The following SCAMP4 variants were observed in gnomAD, a reference collection of about 807,000 sequenced individuals.
The protein encoded by SCAMP4 is secretory carrier membrane protein 4, also known as secretory carrier-associated membrane protein 4.
Under a neutral mutation model 32.1 loss-of-function variants are expected in SCAMP4, and 19 were observed. That is an observed-to-expected ratio of 0.59 (90% CI 0.41 to 0.87). The LOEUF is 0.87. Ranked by LOEUF, SCAMP4 falls within the 40% of genes least tolerant of loss-of-function variation. The probability of loss-of-function intolerance (pLI) is 0.00; values close to 1 mark genes in which losing one functional copy is unlikely to be tolerated. For synonymous variants in SCAMP4, 152 were observed against 132.7 expected, an observed-to-expected ratio of 1.15 and a Z score of -1.00; for missense variants, 302 against 309.0, an observed-to-expected ratio of 0.98 and a Z score of 0.17.
intron 1 of SCAMP4, among the ~76,000 whole-genome samples, chr19:1,907,745 A>AG (rs1599230040): frequency 6.6e-6 from 1 of 151,758 alleles, no homozygotes; most frequent in Admixed American, 6.6e-5. Context: ...TGCCCTCCTG[A>AG]GGGGTCCCAG....
chr19:1,917,919 C>T (rs535060737), intron 3 of SCAMP4, 97 bp downstream of exon 3: 9 of 1,518,406 alleles, frequency 5.9e-6, no homozygotes, highest in Admixed American at 3.5e-5. Context: ...GGGGGCCCAC[C>T]GTCTACTGAA....
chr19:1,911,329 G>A (rs903720730), intron 1 of SCAMP4, among the ~76,000 whole-genome samples: 4 of 152,008 alleles, frequency 2.6e-5, no homozygotes, highest in East Asian at 3.9e-4. Context: ...GTGCCACCAC[G>A]CCCAGCTAAT....
chr19:1,919,001 C>G lies in SCAMP4; in HGVS notation c.395+11C>G. ...CGGCTGGGGCGCGTGGTAAGCCTCT[C>G]TCTGATGGGCGTGGTGGCTGTGATG... On this transcript the variant is annotated intron_variant, in intron 5 of 6. Coordinates refer to ENST00000316097, the MANE Select transcript of SCAMP4 (RefSeq NM_079834.4). The G allele has an allele frequency of 6.3e-7, 1 of 1,595,770 alleles. No homozygotes were observed. The highest frequency in any genetic ancestry group is 8.5e-7 in the Non-Finnish European group (1 of 1,171,162).
At chr19:1,923,287 TC>T in intron 6 of SCAMP4, 100 bp downstream of exon 6, 2 of 1,014,470 alleles carry the variant, frequency 2.0e-6, no homozygotes, top group South Asian at 1.7e-5. Flanking sequence ...CCGGGCCCTC[TC>T]CCCACGGTGT....
At chr19:1,918,078 G>T (rs377060107) in intron 3 of SCAMP4, 49 bp from the exon 4 acceptor site, 5 of 1,572,934 alleles carry the variant, frequency 3.2e-6, no homozygotes, top group Non-Finnish European at 4.3e-6. Context: ...GCTTTCCCAC[G>T]GCCACACCCT....
chr19:1,918,761 C>CAAAAAA, intron 4 of SCAMP4, 128 bp from the exon 5 acceptor site: 1 of 1,133,016 alleles, frequency 8.8e-7, no homozygotes, highest in Non-Finnish European at 1.2e-6. Context: ...GACTCCATCT[C>CAAAAAA]AAAAAAAAAA....
intron 1 of SCAMP4, chr19:1,912,771 A>C (rs116296830): frequency 6.4e-7 from 1 of 1,565,266 alleles, no homozygotes; most frequent in Non-Finnish European, 8.6e-7. Flanking sequence ...GCACGCCGTC[A>C]TGGTGTGCGT....
intron 4 of SCAMP4, 122 bp from the exon 5 acceptor site, chr19:1,918,761 CAAAAAA>C: frequency 8.8e-7 from 1 of 1,133,012 alleles, no homozygotes. Flanking sequence ...GACTCCATCT[CAAAAAA>C]AAAAAAAAAG....
chr19:1,918,970 C>T lies in SCAMP4; in HGVS notation c.375C>T (p.Gly125=), dbSNP rs1281329008. ...QFVLTVIQAI[G]FSGWGACGWL... ...TCCTGACCGTCATCCAGGCGATTGG[C>T]TTCTCCGGCTGGGGCGCGTGGTAAG... The change falls in exon 5 of 7, where the codon GGC becomes GGT. Residue 125 remains glycine, a synonymous_variant. Coordinates refer to ENST00000316097, the MANE Select transcript of SCAMP4 (RefSeq NM_079834.4). The T allele has an allele frequency of 6.2e-7, 1 of 1,610,618 alleles. No homozygotes were observed. The highest frequency in any genetic ancestry group is 8.5e-7 in the Non-Finnish European group (1 of 1,178,542).
rs1295675612 is a variant in SCAMP4 at position 1,924,248 on chromosome 19, T to A, written c.654T>A (p.Thr218=). Reference sequence around the variant, plus strand: ...GCAACAGCCTGCCCGAGTACCCCACTGTGCCCAGCTACCCGGGCAGTGGCC... The same window carrying A: ...GCAACAGCCTGCCCGAGTACCCCACAGTGCCCAGCTACCCGGGCAGTGGCC... ...FSGNSLPEYP[T]VPSYPGSGQW... Residue 218 remains threonine (T), a synonymous_variant, in exon 7 of 7, where the codon ACT becomes ACA. Transcript: ENST00000316097. The A allele has an allele frequency of 1.9e-6, 3 of 1,603,856 alleles. No homozygotes were observed. The highest frequency in any genetic ancestry group is 2.6e-6 in the Non-Finnish European group (3 of 1,175,656).
At position 1,912,909 on chromosome 19, in the gene SCAMP4, G is replaced by A. The variant is rs1208847224; in HGVS notation, c.-41-2070G>A. On this transcript the variant is annotated intron_variant, in intron 1 of 6. Coordinates refer to ENST00000316097, the MANE Select transcript of SCAMP4 (RefSeq NM_079834.4). ...CGCCGTGCGTAAACTGGACGCAGACGAGGACGGCCTCCCCTACCTGTGCAC... is the reference window on the plus strand; with the variant it reads ...CGCCGTGCGTAAACTGGACGCAGACAAGGACGGCCTCCCCTACCTGTGCAC... 3 of 1,609,250 alleles carry A rather than the reference G, an allele frequency of 1.9e-6. No homozygotes were observed. The highest frequency in any genetic ancestry group is 1.7e-4 in the Middle Eastern group (1 of 6,058).
At chr19:1,912,999 C>T (rs765498857) in intron 1 of SCAMP4, 4 of 1,608,048 alleles carry the variant, frequency 2.5e-6, no homozygotes, top group East Asian at 4.5e-5. Flanking sequence ...GGTGCACGCA[C>T]GCATCCTGCG....
Position 1,923,901 on chromosome 19 carries a change from AGGCGT to A in SCAMP4, c.514-205_514-201del. Among the ~76,000 whole-genome samples, 7 of 115,656 alleles carry A rather than the reference AGGCGT, an allele frequency of 6.1e-5. 1 individual carries two copies. The highest frequency in any genetic ancestry group is 6.2e-4 in the South Asian group (2 of 3,204). The allele number at this position is 115,656 out of a possible 152,430, so 75.9% of individuals were successfully genotyped here. A position where few individuals can be genotyped will look rare whatever the true frequency, so the allele number is the denominator to read the frequency against. On this transcript the variant is annotated intron_variant, in intron 6 of 6. Transcript: ENST00000316097. ...CGGCCTCCCGAAGTGCTGGGATGAC[AGGCGT>A]GAGCCACCGTGCCCGGCCTATTTTT...
chr19:1,924,731 G>T lies in SCAMP4; in HGVS notation c.*447G>T. ...CCGGCCACCCGCCGTCACCATGGCA[G>T]ATGCCCTTGGCCGGAACTAATAAGA... On this transcript the variant is annotated 3_prime_UTR_variant, in exon 7 of 7. Transcript: ENST00000316097. 1 of 207,132 alleles carries T rather than the reference G, an allele frequency of 4.8e-6. No individual in the cohort carries two copies. 12.8% of individuals were successfully genotyped at this position (207,132 alleles called of 1,614,324 possible).
intron 1 of SCAMP4, among the ~76,000 whole-genome samples, chr19:1,911,501 C>T (rs929921216): frequency 6.6e-6 from 1 of 152,204 alleles, no homozygotes; most frequent in Non-Finnish European, 1.5e-5. Context: ...AATGACCTGT[C>T]TTGGCTGGGC....
chr19:1,917,277 G>T (rs977388711), intron 2 of SCAMP4, among the ~76,000 whole-genome samples: 1 of 152,240 alleles, frequency 6.6e-6, no homozygotes, highest in African/African-American at 2.4e-5. Context: ...CTGCCCTCTA[G>T]CCTGGGAGAC....
At chr19:1,919,111 G>C in intron 5 of SCAMP4, 121 bp downstream of exon 5, 1 of 1,515,530 alleles carries the variant, frequency 6.6e-7, no homozygotes, top group Non-Finnish European at 8.8e-7. Flanking sequence ...CGCTCTCCTA[G>C]GGAGGGGTCT....
chr19:1,913,005 C>T (rs932891175), intron 1 of SCAMP4: 2 of 1,607,808 alleles, frequency 1.2e-6, no homozygotes, highest in African/African-American at 1.3e-5. Flanking sequence ...CGCACGCATC[C>T]TGCGCGTCTT....
intron 1 of SCAMP4, chr19:1,912,792 G>T: frequency 3.8e-6 from 6 of 1,571,924 alleles, no homozygotes; most frequent in Non-Finnish European, 5.1e-6. Flanking sequence ...GGACCTCGTG[G>T]CGCGCGGCCA....
Sources: gnomAD v4.1 joint callset for allele counts (sites outside exome capture counted in the v4.1 genomes callset) on GRCh38, gnomAD v4.1.1 for gene constraint, MANE v1.5 for transcripts, NCBI Gene and HGNC (gene_info 2026-07-23, HGNC 2026-07-21) for gene names.